AFF3: variants seen among roughly 807,000 people sequenced by gnomAD.
AFF3 encodes the protein AF4/FMR2 family member 3.
AFF3 carries 32 observed loss-of-function variants against 129.7 expected under a neutral mutation model. That is an observed-to-expected ratio of 0.25 (90% CI 0.19 to 0.33). The LOEUF (loss-of-function observed/expected upper bound fraction) is 0.33, where lower values mean the gene tolerates loss of function less well. Among genes scored for constraint, AFF3 ranks in the 10% least tolerant of loss-of-function variants. AFF3 has a pLI of 1.00. For synonymous variants in AFF3, 644 were observed against 635.4 expected, an observed-to-expected ratio of 1.01 and a Z score of -0.20; for missense variants, 1,373 against 1,592.0, an observed-to-expected ratio of 0.86 and a Z score of 2.34.
chr2:99,883,908 G>C (rs1362594770), intron 7 of AFF3, among the ~76,000 whole-genome samples: 1 of 152,170 alleles, frequency 6.6e-6, no homozygotes, highest in Non-Finnish European at 1.5e-5. Context: ...CTCTATTTCA[G>C]GGGCCTTGTT....
intron 7 of AFF3, among the ~76,000 whole-genome samples, chr2:99,978,494 A>T (rs1679092340): frequency 6.6e-6 from 1 of 152,236 alleles, no homozygotes; most frequent in Non-Finnish European, 1.5e-5. Context: ...AGCAGCTGAC[A>T]TGACAAATAC....
intron 11 of AFF3, among the ~76,000 whole-genome samples, chr2:99,686,208 A>AT (rs1675044444): frequency 6.6e-6 from 1 of 152,128 alleles, no homozygotes; most frequent in African/African-American, 2.4e-5. Context: ...AGCAGACAGG[A>AT]TCCCAGTCCA....
chr2:99,759,441 TA>T (rs1236607077), intron 8 of AFF3, among the ~76,000 whole-genome samples: 1 of 36,608 alleles, frequency 2.7e-5, no homozygotes, highest in Non-Finnish European at 5.1e-5. Context: ...CTGAGAGGGA[TA>T]TTTACTTATC....
At chr2:99,737,732 T>C (rs1680376538) in intron 10 of AFF3, among the ~76,000 whole-genome samples, 1 of 151,802 alleles carries the variant, frequency 6.6e-6, no homozygotes, top group South Asian at 2.1e-4. Context: ...CCATCAATCA[T>C]CTTCAGTACT....
At chr2:99,806,166 T>C (rs1436693065) in intron 8 of AFF3, among the ~76,000 whole-genome samples, 1 of 152,176 alleles carries the variant, frequency 6.6e-6, no homozygotes, top group Non-Finnish European at 1.5e-5. Context: ...TCCGATCAAC[T>C]TGGTTTCTAG....
In AFF3 at chr2:99,570,870, C is replaced by T. The variant is rs1308265438; in HGVS notation, c.2919-1955G>A. Among the ~76,000 whole-genome samples the T allele has an allele frequency of 3.5e-4, 53 of 152,206 alleles. 1 individual carries two copies. Among genetic ancestry groups the T allele is most frequent in the Non-Finnish European group, 4.4e-5 (3 of 68,036 alleles). On this transcript the variant is annotated intron_variant, in intron 18 of 24. Coordinates refer to ENST00000672756, the MANE Select transcript of AFF3 (RefSeq NM_001386135.1). Reference sequence around the variant, plus strand: ...TCTCTGTTCATTCACTGAGTGCCTTCTAGGAGCCGAATGTTGCCTGGCCCT... The same window carrying T: ...TCTCTGTTCATTCACTGAGTGCCTTTTAGGAGCCGAATGTTGCCTGGCCCT...
chr2:99,934,903 G>T (rs1674384173), intron 7 of AFF3, among the ~76,000 whole-genome samples: 1 of 152,228 alleles, frequency 6.6e-6, no homozygotes, highest in Non-Finnish European at 1.5e-5. Context: ...TGGCTGCTAA[G>T]CATCACCTGA....
intron 8 of AFF3, among the ~76,000 whole-genome samples, chr2:99,756,826 A>G (rs1490784107): frequency 1.3e-5 from 2 of 152,198 alleles, no homozygotes; most frequent in East Asian, 3.8e-4. Flanking sequence ...TATACACATA[A>G]GAGTCCATAT....
intron 7 of AFF3, among the ~76,000 whole-genome samples, chr2:99,968,463 C>T (rs1052809843): frequency 6.6e-6 from 1 of 152,140 alleles, no homozygotes; most frequent in East Asian, 1.9e-4. Flanking sequence ...ATGTTTAACC[C>T]CAGGCTGGGT....
chr2:100,067,558 G>C (rs1329105704), intron 4 of AFF3, among the ~76,000 whole-genome samples: 1 of 152,190 alleles, frequency 6.6e-6, no homozygotes, highest in East Asian at 1.9e-4. Context: ...TTAGCTAAAA[G>C]CATGCTTGAA....
intron 4 of AFF3, among the ~76,000 whole-genome samples, chr2:100,025,287 C>T (rs1172031640): frequency 6.6e-6 from 1 of 152,090 alleles, no homozygotes; most frequent in African/African-American, 2.4e-5. Context: ...GGAACTCAAC[C>T]TCTTTTACAA....
At chr2:99,583,353 A>G (rs1422264730) in intron 16 of AFF3, among the ~76,000 whole-genome samples, 1 of 152,204 alleles carries the variant, frequency 6.6e-6, no homozygotes, top group African/African-American at 2.4e-5. Context: ...AAGCAGTGGG[A>G]AAGTCAATCA....
At chr2:99,874,137 A>G (rs1692097863) in intron 7 of AFF3, among the ~76,000 whole-genome samples, 1 of 152,174 alleles carries the variant, frequency 6.6e-6, no homozygotes, top group Admixed American at 6.5e-5. Flanking sequence ...AGATCGCGCC[A>G]CTGCACTCCA....
intron 13 of AFF3, among the ~76,000 whole-genome samples, chr2:99,641,048 C>G (rs972310675): frequency 6.6e-6 from 1 of 152,228 alleles, no homozygotes; most frequent in African/African-American, 2.4e-5. Context: ...CTGCCACTCC[C>G]TGTCCACCCT....
chr2:99,663,891 T>C (rs1467052823), intron 12 of AFF3, among the ~76,000 whole-genome samples: 1 of 152,214 alleles, frequency 6.6e-6, no homozygotes, highest in Non-Finnish European at 1.5e-5. Flanking sequence ...GTCTTAATCA[T>C]GTGTCCCTGT....
chr2:100,010,374 G>A (rs1455084825), intron 4 of AFF3, among the ~76,000 whole-genome samples: 1 of 152,150 alleles, frequency 6.6e-6, no homozygotes, highest in Non-Finnish European at 1.5e-5. Context: ...TCCTAGCTCT[G>A]CCCGTGTGGC....
intron 7 of AFF3, among the ~76,000 whole-genome samples, chr2:99,896,896 A>C: frequency 6.6e-6 from 1 of 151,784 alleles, no homozygotes; most frequent in Non-Finnish European, 1.5e-5. Flanking sequence ...CGGCCTCCCA[A>C]AGTGCTGGGA....
chr2:99,581,025 A>C (rs1677487355), intron 17 of AFF3, among the ~76,000 whole-genome samples: 2 of 152,154 alleles, frequency 1.3e-5, no homozygotes. Context: ...TTGGTGGTGA[A>C]TCATGCATGT....
At chr2:100,140,190 C>T (rs1692803233) in intron 1 of AFF3, among the ~76,000 whole-genome samples, 1 of 152,074 alleles carries the variant, frequency 6.6e-6, no homozygotes, top group Admixed American at 6.6e-5. Flanking sequence ...GACATTACAC[C>T]CACTTCACAG....
Sources: allele counts gnomAD v4.1 joint callset (sites outside exome capture counted in the v4.1 genomes callset), GRCh38; gene constraint gnomAD v4.1.1; transcripts MANE v1.5; gene names NCBI Gene and HGNC (gene_info 2026-07-23, HGNC 2026-07-21).